The following CNTN5 variants were observed in gnomAD, a reference collection of about 807,000 sequenced individuals.
CNTN5 encodes contactin 5.
In CNTN5, 77 loss-of-function variants were observed where a neutral mutation model predicts 129.1. The observed-to-expected ratio is 0.60, with a 90% CI of 0.50 to 0.72. The LOEUF is 0.72. Ranked by LOEUF, CNTN5 falls within the 30% of genes least tolerant of loss-of-function variation. The pLI, the probability that CNTN5 is intolerant of heterozygous loss-of-function variation, is 0.00. For missense variants in CNTN5, 1,478 were observed against 1,328.8 expected (o/e 1.11, Z -1.75); for synonymous variants, 509 against 465.6 (o/e 1.09, Z -1.20).
chr11:100,280,814 G>T (rs774031075), intron 18 of CNTN5, among the ~76,000 whole-genome samples: 1 of 151,758 alleles, frequency 6.6e-6, no homozygotes, highest in Non-Finnish European at 1.5e-5. Flanking sequence ...TAGTGATATG[G>T]TGTAATTTTC....
chr11:99,804,447 A>C lies in CNTN5; in HGVS notation c.56-15097A>C, dbSNP rs113582669. 3.2e-4 allele frequency among the ~76,000 whole-genome samples: 48 copies of C among 152,046 alleles called. 1 individual carries two copies. The highest frequency in any genetic ancestry group is 1.2e-3 in the African/African-American group (48 of 41,554). On this transcript the variant is annotated intron_variant, in intron 3 of 24. Transcript: ENST00000524871. ...TCTTCAAAATTACTTTCTGAACTCT[A>C]ACTTTATACTGAACATGTCAATCCC...
At chr11:99,613,583 TA>T (rs1371517930) in intron 3 of CNTN5, among the ~76,000 whole-genome samples, 2 of 152,060 alleles carry the variant, frequency 1.3e-5, no homozygotes, top group Non-Finnish European at 2.9e-5. Context: ...ATAGCAGGGA[TA>T]AGAAGAGAGA....
At chr11:99,191,933 A>T (rs1388018735) in intron 1 of CNTN5, among the ~76,000 whole-genome samples, 1 of 151,782 alleles carries the variant, frequency 6.6e-6, no homozygotes, top group African/African-American at 2.4e-5. Flanking sequence ...CCAAAGTTAG[A>T]TGAAGGAAAA....
intron 9 of CNTN5, among the ~76,000 whole-genome samples, chr11:100,057,097 C>T (rs1249765743): frequency 2.0e-5 from 3 of 150,644 alleles, no homozygotes; most frequent in Non-Finnish European, 3.0e-5. Flanking sequence ...TTGATGTCAG[C>T]ATAAAAGATA....
At chr11:99,982,331 AAAG>A (rs1938399357) in intron 8 of CNTN5, among the ~76,000 whole-genome samples, 1 of 152,204 alleles carries the variant, frequency 6.6e-6, no homozygotes, top group Non-Finnish European at 1.5e-5. Context: ...ATGTTACAAG[AAAG>A]AAAAATAAAT....
At position 99,556,277 on chromosome 11, in the gene CNTN5, T is replaced by G. The variant is rs1211478886; in HGVS notation, c.55+8T>G. The stretch of plus-strand genomic sequence containing the variant: ...TCACCATGTGTCTTTCAGGTAAAAG[T>G]CCTGATTAATTAATTATTTGATTTT... On this transcript the variant is annotated splice_region_variant and intron_variant, in intron 3 of 24. Transcript: ENST00000524871. 2.2e-5 allele frequency: 33 copies of G among 1,499,646 alleles called. No homozygotes were observed. The highest frequency in any genetic ancestry group is 2.8e-5 in the Non-Finnish European group (31 of 1,110,974). 92.9% of individuals were successfully genotyped at this position (1,499,646 alleles called of 1,614,324 possible).
chr11:99,327,860 G>T (rs1304784205), intron 2 of CNTN5, among the ~76,000 whole-genome samples: 1 of 152,124 alleles, frequency 6.6e-6, no homozygotes, highest in Non-Finnish European at 1.5e-5. Context: ...AGAATGAAAT[G>T]TTTCACTCAA....
chr11:99,436,614 G>A (rs12280637), intron 2 of CNTN5, among the ~76,000 whole-genome samples: 2 of 151,946 alleles, frequency 1.3e-5, no homozygotes, highest in Admixed American at 1.3e-4. Flanking sequence ...TCATCTGATA[G>A]GTAAATCCAA....
chr11:99,948,342 T>C (rs1415630675), intron 7 of CNTN5, among the ~76,000 whole-genome samples: 1 of 152,194 alleles, frequency 6.6e-6, no homozygotes, highest in East Asian at 1.9e-4. Context: ...AGTAGGTCTC[T>C]ACCCAGCAGG....
At chr11:99,889,246 G>T (rs1460561863) in intron 6 of CNTN5, among the ~76,000 whole-genome samples, 2 of 151,448 alleles carry the variant, frequency 1.3e-5, no homozygotes, top group Non-Finnish European at 2.9e-5. Context: ...ACTGGATGTT[G>T]TCAGCATGGG....
chr11:99,862,031 T>A (rs1253814466), intron 6 of CNTN5, among the ~76,000 whole-genome samples: 2 of 152,196 alleles, frequency 1.3e-5, no homozygotes, highest in Admixed American at 1.3e-4. Flanking sequence ...AAATTTATAA[T>A]CTTAATCTAA....
intron 1 of CNTN5, among the ~76,000 whole-genome samples, chr11:99,100,725 A>C (rs1396119959): frequency 6.6e-6 from 1 of 152,180 alleles, no homozygotes; most frequent in Non-Finnish European, 1.5e-5. Flanking sequence ...CTACTATAAA[A>C]ATATATTCAA....
chr11:99,073,690 G>A (rs1002514823), intron 1 of CNTN5, among the ~76,000 whole-genome samples: 2 of 151,926 alleles, frequency 1.3e-5, no homozygotes, highest in Non-Finnish European at 2.9e-5. Context: ...GAGGGTGATG[G>A]TTTCCAGCTT....
intron 3 of CNTN5, among the ~76,000 whole-genome samples, chr11:99,651,305 G>A (rs538927540): frequency 9.9e-5 from 15 of 151,908 alleles, no homozygotes; most frequent in Admixed American, 2.6e-4. Flanking sequence ...TATTGCATGT[G>A]GCAATTGGAG....
intron 1 of CNTN5, among the ~76,000 whole-genome samples, chr11:99,274,802 A>C (rs1240255584): frequency 2.0e-5 from 3 of 151,482 alleles, no homozygotes; most frequent in Non-Finnish European, 4.4e-5. Flanking sequence ...AAATGGAGAA[A>C]ATACTGCCTC....
At chr11:100,267,280 C>G (rs12808457) in intron 17 of CNTN5, among the ~76,000 whole-genome samples, 22,868 of 148,556 alleles carry the variant, frequency 0.15, 1,955 homozygotes, top group Non-Finnish European at 0.2. Flanking sequence ...CACACACACA[C>G]AGAGAGAGAG....
chr11:99,140,068 A>C (rs1038753843), intron 1 of CNTN5, among the ~76,000 whole-genome samples: 3 of 152,192 alleles, frequency 2.0e-5, no homozygotes, highest in African/African-American at 7.2e-5. Context: ...TAAAGGCCTA[A>C]TTAAGTAAAT....
intron 2 of CNTN5, among the ~76,000 whole-genome samples, chr11:99,454,713 A>C (rs1313427718): frequency 6.6e-6 from 1 of 152,202 alleles, no homozygotes; most frequent in Non-Finnish European, 1.5e-5. Flanking sequence ...GTGAAAACAG[A>C]CTAATACAGG....
intron 18 of CNTN5, among the ~76,000 whole-genome samples, chr11:100,271,751 C>G (rs1021480569): frequency 3.5e-4 from 54 of 152,160 alleles, no homozygotes; most frequent in African/African-American, 1.3e-3. Context: ...AAAATAAATA[C>G]CAATCTGCTC....
Sources: allele counts gnomAD v4.1 joint callset (sites outside exome capture counted in the v4.1 genomes callset), GRCh38; gene constraint gnomAD v4.1.1; transcripts MANE v1.5; gene names NCBI Gene and HGNC (gene_info 2026-07-23, HGNC 2026-07-21).